Variants in CCDC102B observed in about 807,000 individuals in gnomAD.
CCDC102B encodes coiled-coil domain containing 102B.
In CCDC102B, 75 loss-of-function variants were observed where a neutral mutation model predicts 57.4. The observed-to-expected ratio is 1.31, with a 90% confidence interval of 1.08 to 1.58. CCDC102B has a LOEUF of 1.58. CCDC102B is among the 40% of genes most tolerant of loss of function. The probability of loss-of-function intolerance (pLI) is 0.00; values close to 1 mark genes in which losing one functional copy is unlikely to be tolerated. For missense variants in CCDC102B, 636 were observed against 582.6 expected (o/e 1.09, Z -0.94); for synonymous variants, 206 against 201.9 (o/e 1.02, Z -0.17).
intron 6 of CCDC102B, among the ~76,000 whole-genome samples, chr18:68,999,752 CT>C (rs1255688240): frequency 1.3e-5 from 2 of 152,138 alleles, no homozygotes; most frequent in Non-Finnish European, 2.9e-5. Flanking sequence ...TCTACTTATC[CT>C]TAGATTCTCC....
chr18:68,913,362 A>G (rs2040945668), intron 6 of CCDC102B, among the ~76,000 whole-genome samples: 1 of 122,646 alleles, frequency 8.2e-6, no homozygotes, highest in Non-Finnish European at 1.7e-5. Flanking sequence ...TTTAAGAAAA[A>G]CCAGCCAGGG....
chr18:68,797,244 G>A (rs969107911), upstream of CCDC102B, among the ~76,000 whole-genome samples: 7 of 152,116 alleles, frequency 4.6e-5, no homozygotes, highest in African/African-American at 1.7e-4. Flanking sequence ...ACAAATTAGG[G>A]AAGGGTGAAA....
chr18:68,753,621 G>A (rs34595206), intron 2 of CCDC102B: 45,456 of 151,982 alleles, frequency 0.3, 8,127 homozygotes, highest in Non-Finnish European at 0.42. Flanking sequence ...GTATGATCAT[G>A]GCTCATGGCA....
intron 6 of CCDC102B, among the ~76,000 whole-genome samples, chr18:68,905,791 T>A (rs1190318560): frequency 2.6e-5 from 3 of 117,380 alleles, no homozygotes; most frequent in Non-Finnish European, 3.5e-5. Flanking sequence ...TGGCTTTTTT[T>A]TTTTTTTTTT....
chr18:68,915,434 C>T (rs1449455184), intron 6 of CCDC102B, among the ~76,000 whole-genome samples: 3 of 152,102 alleles, frequency 2.0e-5, no homozygotes, highest in African/African-American at 7.2e-5. Flanking sequence ...GTTTATTTGG[C>T]ACAATTTGGG....
chr18:68,738,306 A>G (rs1206570523), intron 2 of CCDC102B, among the ~76,000 whole-genome samples: 1 of 152,210 alleles, frequency 6.6e-6, no homozygotes, highest in African/African-American at 2.4e-5. Flanking sequence ...GTAGCAAAGA[A>G]TAAGAATAAG....
At chr18:69,004,654 G>A (rs1205521315) in intron 6 of CCDC102B, among the ~76,000 whole-genome samples, 1 of 151,986 alleles carries the variant, frequency 6.6e-6, no homozygotes, top group Admixed American at 6.6e-5. Flanking sequence ...AATCATCTGA[G>A]TATTTTTTTA....
At chr18:68,736,119 G>C (rs2145212172) in intron 2 of CCDC102B, among the ~76,000 whole-genome samples, 2 of 152,298 alleles carry the variant, frequency 1.3e-5, no homozygotes, top group East Asian at 3.9e-4. Context: ...TATTTAGGTG[G>C]AGAGGAATTT....
In CCDC102B at chr18:68,979,555, T is replaced by C. The variant is rs116633039; in HGVS notation, c.1264-31379T>C. On this transcript the variant is annotated intron_variant, in intron 6 of 7. Coordinates refer to ENST00000360242, the MANE Select transcript of CCDC102B (RefSeq NM_024781.3). ...GAGAATAATATTTATTAGAATTCTT[T>C]GTTGGGAGAAGGCTGTGTATGATTG... is the stretch of plus-strand genomic sequence containing the variant. 7.4e-3 allele frequency among the ~76,000 whole-genome samples: 1,132 copies of C among 152,142 alleles called. 9 individuals are homozygous for C. Among genetic ancestry groups the C allele is most frequent in the African/African-American group, 0.026 (1,083 of 41,536 alleles).
chr18:69,053,674 C>CT lies in CCDC102B; in HGVS notation c.1435-346dup, dbSNP rs543766296. 3.0e-3 allele frequency among the ~76,000 whole-genome samples: 447 copies of CT among 148,664 alleles called. 2 individuals are homozygous for CT. Among genetic ancestry groups the CT allele is most frequent in the African/African-American group, 9.5e-3 (388 of 40,760 alleles). ...TTAAAGAGTTACTTTATTTCAACTA[C>CT]TTTTTTTTTTCATTAAGAGCTTTTC... On this transcript the variant is annotated intron_variant, in intron 7 of 7. Coordinates refer to ENST00000360242, the MANE Select transcript of CCDC102B (RefSeq NM_024781.3).
chr18:68,760,165 T>C lies in CCDC102B; in HGVS notation c.-67+43571T>C, dbSNP rs2034206337. Among the ~76,000 whole-genome samples the C allele has an allele frequency of 2.0e-5, 3 of 152,140 alleles. 1 individual carries two copies. Among genetic ancestry groups the C allele is most frequent in the Admixed American group, 2.0e-4 (3 of 15,246 alleles). On this transcript the variant is annotated intron_variant, in intron 2 of 3. Coordinates refer to the CCDC102B transcript ENST00000578970. ...CTTCTCATAGCCATTTAGCACAGTT[T>C]GGTTTTAAACTGTTTACATGAATTA...
intron 6 of CCDC102B, among the ~76,000 whole-genome samples, chr18:68,958,067 G>T (rs915702119): frequency 6.6e-6 from 1 of 152,080 alleles, no homozygotes; most frequent in African/African-American, 2.4e-5. Flanking sequence ...TCACATGCCA[G>T]CAGACAAGAG....
intron 1 of CCDC102B, among the ~76,000 whole-genome samples, chr18:68,813,594 G>T (rs1361881056): frequency 2.6e-5 from 4 of 151,848 alleles, no homozygotes; most frequent in Non-Finnish European, 5.9e-5. Flanking sequence ...GGGAGAAGAA[G>T]GGAGGGAAGG....
chr18:69,053,960 T>C, intron 7 of CCDC102B, 70 bp from the exon 8 acceptor site: 1 of 1,215,444 alleles, frequency 8.2e-7, no homozygotes, highest in South Asian at 1.4e-5. Flanking sequence ...AAGATGTTAT[T>C]TACTATAGCC....
At chr18:68,874,946 G>A in intron 5 of CCDC102B, 161 bp downstream of exon 5, 1 of 493,260 alleles carries the variant, frequency 2.0e-6, no homozygotes, top group East Asian at 3.1e-5. Flanking sequence ...AAAAGGCTGT[G>A]GAATGACATT....
intron 1 of CCDC102B, among the ~76,000 whole-genome samples, chr18:68,825,066 T>G (rs2036853502): frequency 6.6e-6 from 1 of 152,202 alleles, no homozygotes. Context: ...GTCCACAAGT[T>G]TCATTGTTAG....
intron 6 of CCDC102B, among the ~76,000 whole-genome samples, chr18:68,994,766 T>C (rs1437749120): frequency 6.6e-6 from 1 of 152,254 alleles, no homozygotes; most frequent in Non-Finnish European, 1.5e-5. Context: ...ATTAAAACTC[T>C]TTCCTTTGTA....
chr18:68,837,439 G>T, intron 2 of CCDC102B, 70 bp downstream of exon 2: 2 of 1,424,646 alleles, frequency 1.4e-6, no homozygotes, highest in Non-Finnish European at 9.6e-7. Flanking sequence ...GAAGAAGGAA[G>T]TGACAAATGC....
At chr18:68,974,907 TAATC>T (rs1259758687) in intron 6 of CCDC102B, among the ~76,000 whole-genome samples, 1 of 151,990 alleles carries the variant, frequency 6.6e-6, no homozygotes, top group African/African-American at 2.4e-5. Flanking sequence ...AAATTTATAA[TAATC>T]ATTTAAAACA....
Sources: gnomAD v4.1 joint callset for allele counts (sites outside exome capture counted in the v4.1 genomes callset) on GRCh38, gnomAD v4.1.1 for gene constraint, MANE v1.5 for transcripts, NCBI Gene and HGNC (gene_info 2026-07-23, HGNC 2026-07-21) for gene names.